SCHIP1: variants seen among roughly 807,000 people sequenced by gnomAD.
The protein encoded by SCHIP1 is schwannomin interacting protein 1.
A neutral mutation model predicts 29.7 loss-of-function variants in SCHIP1; 8 were observed. The ratio of observed to expected loss-of-function variants is 0.27; its 90% CI spans 0.16 to 0.49. The LOEUF is 0.49. Among genes scored for constraint, SCHIP1 ranks in the 20% least tolerant of loss-of-function variants. The pLI is 0.99. For synonymous variants in SCHIP1, 76 were observed against 94.9 expected, an observed-to-expected ratio of 0.80 and a Z score of 1.16; for missense variants, 193 against 294.6, an observed-to-expected ratio of 0.66 and a Z score of 2.52.
At chr3:159,735,139 T>C in the SCHIP1 span, among the ~76,000 whole-genome samples, 1 of 151,950 alleles carries the variant, frequency 6.6e-6, no homozygotes, top group African/African-American at 2.4e-5. Context: ...GGTGGTCTAT[T>C]CCAATAATAA....
chr3:159,742,055 C>A, the SCHIP1 span, among the ~76,000 whole-genome samples: 2 of 152,018 alleles, frequency 1.3e-5, no homozygotes, highest in Non-Finnish European at 2.9e-5. Context: ...CATGGTGAAA[C>A]CCCATCTAAA....
chr3:159,616,628 A>G, the SCHIP1 span, among the ~76,000 whole-genome samples: 30 of 152,218 alleles, frequency 2.0e-4, 1 homozygote, highest in Admixed American at 1.8e-3. Flanking sequence ...TGTCAATGTG[A>G]TATCTTCCTT....
At chr3:159,291,069 G>A in the SCHIP1 span, among the ~76,000 whole-genome samples, 1 of 152,052 alleles carries the variant, frequency 6.6e-6, no homozygotes, top group African/African-American at 2.4e-5. Context: ...GTAAAAACCA[G>A]AATTACTTAG....
At chr3:159,842,071 A>T (rs963940301) in intron 1 of SCHIP1, among the ~76,000 whole-genome samples, 4 of 152,182 alleles carry the variant, frequency 2.6e-5, no homozygotes, top group African/African-American at 9.7e-5. Context: ...TGAAGTCCTT[A>T]GCTTGATGTT....
chr3:159,680,713 AATATATG>A, the SCHIP1 span, among the ~76,000 whole-genome samples: 1 of 80,014 alleles, frequency 1.2e-5, no homozygotes, highest in Non-Finnish European at 2.2e-5. Flanking sequence ...TATTATATAT[AATATATG>A]TATATATATA....
At chr3:159,529,319 T>A in the SCHIP1 span, among the ~76,000 whole-genome samples, 14 of 152,210 alleles carry the variant, frequency 9.2e-5, no homozygotes, top group Non-Finnish European at 1.8e-4. Context: ...TGAAAAAATG[T>A]TAAGTCAAAG....
chr3:159,336,601 A>G, the SCHIP1 span, among the ~76,000 whole-genome samples: 2 of 152,316 alleles, frequency 1.3e-5, no homozygotes, highest in South Asian at 4.1e-4. Flanking sequence ...TAAATAGGGA[A>G]TCATTTCCCC....
At chr3:159,760,824 C>T in the SCHIP1 span, among the ~76,000 whole-genome samples, 1 of 152,208 alleles carries the variant, frequency 6.6e-6, no homozygotes, top group Non-Finnish European at 1.5e-5. Flanking sequence ...CTTTCTTTCC[C>T]TTGCATATAT....
the SCHIP1 span, among the ~76,000 whole-genome samples, chr3:159,825,892 G>A: frequency 6.6e-6 from 1 of 152,192 alleles, no homozygotes; most frequent in African/African-American, 2.4e-5. Context: ...GGGCTTACAG[G>A]TTGAGAAACA....
the SCHIP1 span, among the ~76,000 whole-genome samples, chr3:159,466,098 G>A: frequency 6.6e-6 from 1 of 152,012 alleles, no homozygotes; most frequent in Non-Finnish European, 1.5e-5. Context: ...TAAAACATTT[G>A]AGTATCATTT....
the SCHIP1 span, among the ~76,000 whole-genome samples, chr3:159,529,907 A>G: frequency 6.6e-6 from 1 of 152,220 alleles, no homozygotes; most frequent in Non-Finnish European, 1.5e-5. Context: ...TCCTCCAGTT[A>G]TATCCATATT....
At chr3:159,762,331 C>T in the SCHIP1 span, among the ~76,000 whole-genome samples, 5 of 152,230 alleles carry the variant, frequency 3.3e-5, no homozygotes, top group African/African-American at 1.2e-4. Flanking sequence ...ATTACCTTCC[C>T]TGGCTCAGGT....
At chr3:159,289,145 T>A in the SCHIP1 span, among the ~76,000 whole-genome samples, 1 of 152,226 alleles carries the variant, frequency 6.6e-6, no homozygotes, top group Non-Finnish European at 1.5e-5. Flanking sequence ...CCGTCATCTC[T>A]CACCTTCATC....
At chr3:159,641,840 G>A in the SCHIP1 span, among the ~76,000 whole-genome samples, 1 of 152,086 alleles carries the variant, frequency 6.6e-6, no homozygotes, top group African/African-American at 2.4e-5. Flanking sequence ...ACAGTTTATT[G>A]TAGTACAAAG....
the SCHIP1 span, among the ~76,000 whole-genome samples, chr3:159,400,742 T>G: frequency 6.6e-6 from 1 of 152,202 alleles, no homozygotes; most frequent in African/African-American, 2.4e-5. Flanking sequence ...ATTGATGGAT[T>G]GTGGCTTTAT....
chr3:159,560,599 C>A, the SCHIP1 span, among the ~76,000 whole-genome samples: 1 of 152,176 alleles, frequency 6.6e-6, no homozygotes, highest in Non-Finnish European at 1.5e-5. Flanking sequence ...CTCCCCATGT[C>A]TCTTTTTCCA....
the SCHIP1 span, among the ~76,000 whole-genome samples, chr3:159,354,891 C>T: frequency 6.6e-6 from 1 of 152,180 alleles, no homozygotes; most frequent in East Asian, 1.9e-4. Context: ...AAGAAAAGAA[C>T]CGCAGAAAGC....
the SCHIP1 span, among the ~76,000 whole-genome samples, chr3:159,613,552 A>G: frequency 6.6e-6 from 1 of 152,202 alleles, no homozygotes; most frequent in Non-Finnish European, 1.5e-5. Context: ...ACTAATTACA[A>G]TTTCCTGTTA....
the SCHIP1 span, among the ~76,000 whole-genome samples, chr3:159,541,697 A>G: frequency 6.6e-6 from 1 of 152,098 alleles, no homozygotes; most frequent in African/African-American, 2.4e-5. Context: ...ACAAGTCTGC[A>G]TTCCTGTTTT....
Sources: gnomAD v4.1 joint callset for allele counts (sites outside exome capture counted in the v4.1 genomes callset) on GRCh38, gnomAD v4.1.1 for gene constraint, MANE v1.5 for transcripts, NCBI Gene and HGNC (gene_info 2026-07-23, HGNC 2026-07-21) for gene names.